Variants in GRIP2 observed in about 807,000 individuals in gnomAD.
The protein encoded by GRIP2 is glutamate receptor-interacting protein 2.
A neutral mutation model predicts 108.3 loss-of-function variants in GRIP2; 58 were observed. The ratio of observed to expected loss-of-function variants is 0.54; its 90% confidence interval spans 0.43 to 0.67. The LOEUF (loss-of-function observed/expected upper bound fraction) is 0.67, where lower values mean the gene tolerates loss of function less well. Among genes scored for constraint, GRIP2 ranks in the 30% least tolerant of loss-of-function variants. The probability of loss-of-function intolerance (pLI) is 0.00; values close to 1 mark genes in which losing one functional copy is unlikely to be tolerated. For missense variants in GRIP2, 1,278 were observed against 1,430.6 expected, an observed-to-expected ratio of 0.89 and a Z score of 1.72; for synonymous variants, 586 against 598.2, an observed-to-expected ratio of 0.98 and a Z score of 0.30.
At chr3:14,510,579 AG>A (rs1450808068) in intron 16 of GRIP2, among the ~76,000 whole-genome samples, 10 of 139,146 alleles carry the variant, frequency 7.2e-5, no homozygotes, top group African/African-American at 3.0e-4. Flanking sequence ...TTTTCTTAAA[AG>A]AAAAGAAAAG....
the GRIP2 span, among the ~76,000 whole-genome samples, chr3:14,575,506 T>A: frequency 6.6e-6 from 1 of 152,222 alleles, no homozygotes; most frequent in African/African-American, 2.4e-5. Context: ...GCCCCCAGCA[T>A]AGCAGCCGGT....
chr3:14,561,450 T>G, the GRIP2 span, among the ~76,000 whole-genome samples: 1 of 143,868 alleles, frequency 7.0e-6, no homozygotes, highest in Non-Finnish European at 1.5e-5. Context: ...AGGTTCCCCC[T>G]GTTGTCAAAG....
At chr3:14,494,251 G>T (rs1693507152) in intron 23 of GRIP2, among the ~76,000 whole-genome samples, 1 of 152,196 alleles carries the variant, frequency 6.6e-6, no homozygotes, top group South Asian at 2.1e-4. Context: ...TCCTTTCAAA[G>T]TCAAATGTAA....
upstream of GRIP2, among the ~76,000 whole-genome samples, chr3:14,557,183 C>T (rs1369503596): frequency 6.6e-6 from 1 of 152,218 alleles, no homozygotes; most frequent in Non-Finnish European, 1.5e-5. Flanking sequence ...GCCTAGCATT[C>T]ACCAGCACGC....
chr3:14,553,469 A>T (rs1695184963), intron 1 of GRIP2, among the ~76,000 whole-genome samples: 1 of 151,992 alleles, frequency 6.6e-6, no homozygotes, highest in Non-Finnish European at 1.5e-5. Context: ...ACTCCTACTC[A>T]TCCTTAAATA....
intron 1 of GRIP2, among the ~76,000 whole-genome samples, chr3:14,551,575 G>T (rs1468487353): frequency 6.6e-6 from 1 of 152,172 alleles, no homozygotes; most frequent in Non-Finnish European, 1.5e-5. Flanking sequence ...AGGGAGACTT[G>T]TGGAGAGGCA....
the GRIP2 span, among the ~76,000 whole-genome samples, chr3:14,561,971 A>C: frequency 6.6e-6 from 1 of 152,202 alleles, no homozygotes; most frequent in Non-Finnish European, 1.5e-5. Flanking sequence ...CCAAGCGTGG[A>C]GGTACAGCCA....
chr3:14,563,096 A>G, the GRIP2 span, among the ~76,000 whole-genome samples: 1 of 152,248 alleles, frequency 6.6e-6, no homozygotes, highest in Non-Finnish European at 1.5e-5. Flanking sequence ...AAGGGACCTT[A>G]CTTGAATCCT....
intron 10 of GRIP2, among the ~76,000 whole-genome samples, chr3:14,517,524 T>C (rs1011769036): frequency 3.3e-5 from 4 of 121,326 alleles, no homozygotes; most frequent in African/African-American, 1.3e-4. Flanking sequence ...TTTTTTTAGT[T>C]GAGGTCTCGC....
At chr3:14,537,736 C>T (rs996218332) in intron 1 of GRIP2, among the ~76,000 whole-genome samples, 5 of 152,174 alleles carry the variant, frequency 3.3e-5, no homozygotes, top group Non-Finnish European at 5.9e-5. Context: ...GAGGGCCCCT[C>T]GGAGGAGTGG....
intron 21 of GRIP2, among the ~76,000 whole-genome samples, chr3:14,498,951 AAGAC>A (rs1193494216): frequency 1.3e-5 from 2 of 152,310 alleles, no homozygotes; most frequent in East Asian, 3.9e-4. Flanking sequence ...TTCAGGGAAA[AAGAC>A]AGTGCTGTCT....
intron 1 of GRIP2, among the ~76,000 whole-genome samples, chr3:14,527,748 T>C (rs1296526492): frequency 6.6e-6 from 1 of 151,384 alleles, no homozygotes; most frequent in Non-Finnish European, 1.5e-5. Context: ...ATACAAAAAT[T>C]AGGGGGGTGT....
the GRIP2 span, among the ~76,000 whole-genome samples, chr3:14,599,683 C>G: frequency 0.23 from 23,757 of 103,900 alleles, 2,193 homozygotes; most frequent in Middle Eastern, 0.4. Flanking sequence ...CTCTCTCTCT[C>G]TCTGTGTGTG....
chr3:14,497,150 A>G (rs982698600), intron 21 of GRIP2, among the ~76,000 whole-genome samples: 1 of 151,870 alleles, frequency 6.6e-6, no homozygotes, highest in African/African-American at 2.4e-5. Context: ...CTTTTTTAGT[A>G]CAGACGAGGT....
At position 14,494,861 on chromosome 3, in the gene GRIP2, G is replaced by A. The variant is rs1693538018; in HGVS notation, c.2952C>T (p.Pro984=). The change falls in exon 23 of 24, where the codon CCC becomes CCT. Residue 984 remains proline, a synonymous_variant. Coordinates refer to ENST00000621039, the MANE Select transcript of GRIP2 (RefSeq NM_001080423.4). ...GCATTACCTGCAGGACCCTGTCGAA[G>A]GGCTGGAGGCCTCCACGGTGGGCTG... ...DGPAHRGGLQ[P]FDRVLQVNHV... is the part of the protein sequence containing the mutation. The A allele has an allele frequency of 6.2e-7, 1 of 1,613,362 alleles. No individual in the cohort carries two copies. Among genetic ancestry groups the A allele is most frequent in the Non-Finnish European group, 8.5e-7 (1 of 1,179,502 alleles).
At chr3:14,530,582 C>CT (rs2124940996) in intron 1 of GRIP2, among the ~76,000 whole-genome samples, 1 of 152,278 alleles carries the variant, frequency 6.6e-6, no homozygotes, top group East Asian at 1.9e-4. Context: ...TTATACCACT[C>CT]TCATTAAATG....
chr3:14,597,285 T>C, the GRIP2 span, among the ~76,000 whole-genome samples: 13 of 152,088 alleles, frequency 8.5e-5, no homozygotes, highest in East Asian at 1.7e-3. Context: ...ACATGAGAAA[T>C]AGGGAACTGG....
upstream of GRIP2, among the ~76,000 whole-genome samples, chr3:14,544,465 C>T (rs1433713342): frequency 6.6e-6 from 1 of 152,142 alleles, no homozygotes; most frequent in Non-Finnish European, 1.5e-5. Flanking sequence ...GCCCCACCAG[C>T]ACAGCGAGGG....
At chr3:14,579,157 G>A in the GRIP2 span, among the ~76,000 whole-genome samples, 5 of 152,116 alleles carry the variant, frequency 3.3e-5, no homozygotes, top group East Asian at 3.9e-4. Flanking sequence ...ACATGGGTGG[G>A]TCTCAAAACA....
Sources: allele counts gnomAD v4.1 joint callset (sites outside exome capture counted in the v4.1 genomes callset), GRCh38; gene constraint gnomAD v4.1.1; transcripts MANE v1.5; gene names NCBI Gene and HGNC (gene_info 2026-07-23, HGNC 2026-07-21).